NRCAM: variants seen among roughly 807,000 people sequenced by gnomAD.
NRCAM encodes NgCAM-related cell adhesion molecule.
NRCAM carries 83 observed loss-of-function variants against 156.5 expected under a neutral mutation model. That is an observed-to-expected ratio of 0.53 (90% confidence interval 0.44 to 0.64). NRCAM has a LOEUF of 0.64. NRCAM is among the 30% of genes least tolerant of loss of function. The probability of loss-of-function intolerance (pLI) is 0.00; values close to 1 mark genes in which losing one functional copy is unlikely to be tolerated. For synonymous variants in NRCAM, 538 were observed against 563.9 expected, an observed-to-expected ratio of 0.95 and a Z score of 0.65; for missense variants, 1,417 against 1,597.3, an observed-to-expected ratio of 0.89 and a Z score of 1.92.
intron 2 of NRCAM, among the ~76,000 whole-genome samples, chr7:108,359,065 C>CA (rs1219755184): frequency 6.6e-6 from 1 of 152,220 alleles, no homozygotes; most frequent in Non-Finnish European, 1.5e-5. Context: ...CCTAGCCTTA[C>CA]AAGTAGGATG....
chr7:108,423,769 T>C (rs1182711422), intron 1 of NRCAM, among the ~76,000 whole-genome samples: 5 of 152,218 alleles, frequency 3.3e-5, no homozygotes, highest in Non-Finnish European at 1.5e-5. Flanking sequence ...ACCAAGAACC[T>C]GGGTGATAAC....
intron 22 of NRCAM, among the ~76,000 whole-genome samples, chr7:108,183,887 G>A (rs1016318094): frequency 6.6e-6 from 1 of 152,016 alleles, no homozygotes; most frequent in Non-Finnish European, 1.5e-5. Context: ...GTATATGCTA[G>A]GCACTGTTCT....
At position 108,450,054 on chromosome 7, in the gene NRCAM, G is replaced by C. The variant is rs369793928; in HGVS notation, c.-332+6189C>G. The stretch of plus-strand genomic sequence containing the variant: ...TATTTAATGAGAAGAATTTCAAAAG[G>C]ATCATTTTTGCCTGACAGTACCTGT... On this transcript the variant is annotated intron_variant, in intron 1 of 32. Transcript: ENST00000379028. 2.0e-5 allele frequency among the ~76,000 whole-genome samples: 3 copies of C among 151,972 alleles called. No homozygotes were observed. The East Asian group carries it at 5.8e-4, about 29-fold the overall frequency.
At chr7:108,429,731 G>A (rs1234568943) in intron 1 of NRCAM, among the ~76,000 whole-genome samples, 15 of 152,092 alleles carry the variant, frequency 9.9e-5, no homozygotes. Context: ...TTATGTGTTG[G>A]GATGCAAAAT....
chr7:108,227,182 G>T (rs2093612468), intron 8 of NRCAM, among the ~76,000 whole-genome samples: 1 of 152,174 alleles, frequency 6.6e-6, no homozygotes, highest in Admixed American at 6.5e-5. Context: ...CCTTCACGGG[G>T]CTCCTTTAAA....
chr7:108,195,436 C>T (rs1272644623), intron 15 of NRCAM, among the ~76,000 whole-genome samples: 2 of 123,614 alleles, frequency 1.6e-5, no homozygotes, highest in Non-Finnish European at 3.5e-5. Context: ...TTAGCCTGGC[C>T]AACATGGTGA....
Position 108,175,315 on chromosome 7 carries a change from A to AT in NRCAM, c.3187+6dup. ...ATGTATAAAGTCATGCAGATGAATT[A>AT]TTTTACCTTTGCCTGCACCTACATC... On this transcript the variant is annotated splice_region_variant and intron_variant, in intron 28 of 32. Coordinates refer to ENST00000379028, the MANE Select transcript of NRCAM (RefSeq NM_001037132.4). The AT allele has an allele frequency of 6.4e-7, 1 of 1,556,396 alleles. No homozygotes were observed. The highest frequency in any genetic ancestry group is 8.7e-7 in the Non-Finnish European group (1 of 1,149,314).
intron 2 of NRCAM, among the ~76,000 whole-genome samples, chr7:108,327,246 C>G (rs2099079058): frequency 6.6e-6 from 1 of 152,210 alleles, no homozygotes; most frequent in African/African-American, 2.4e-5. Flanking sequence ...TCTAGTCTCT[C>G]TAAATCTCAC....
chr7:108,252,423 A>G (rs1009756811), intron 3 of NRCAM, among the ~76,000 whole-genome samples: 11 of 152,242 alleles, frequency 7.2e-5, no homozygotes, highest in Non-Finnish European at 1.3e-4. Context: ...AGTATAAAAC[A>G]CTAATTGTTG....
At chr7:108,443,827 C>A (rs1841308277) in intron 1 of NRCAM, among the ~76,000 whole-genome samples, 1 of 152,050 alleles carries the variant, frequency 6.6e-6, no homozygotes, top group Non-Finnish European at 1.5e-5. Flanking sequence ...GAATAACTTT[C>A]TAAATAGCCA....
chr7:108,295,951 CAT>C (rs1053705814), intron 3 of NRCAM, among the ~76,000 whole-genome samples: 63 of 152,326 alleles, frequency 4.1e-4, no homozygotes, highest in African/African-American at 1.5e-3. Context: ...GGGTTCTGCA[CAT>C]GACTGCATTT....
At chr7:108,262,472 C>A (rs1234989219) in intron 3 of NRCAM, among the ~76,000 whole-genome samples, 2 of 152,094 alleles carry the variant, frequency 1.3e-5, no homozygotes, top group Admixed American at 1.3e-4. Flanking sequence ...TTAGAGAGGC[C>A]AGATAACTCA....
chr7:108,287,110 A>C (rs929815386), intron 3 of NRCAM, among the ~76,000 whole-genome samples: 1 of 152,186 alleles, frequency 6.6e-6, no homozygotes, highest in African/African-American at 2.4e-5. Context: ...CTCAAGATGG[A>C]TTAAAGACTT....
At chr7:108,222,160 C>T (rs529686921) in intron 11 of NRCAM, among the ~76,000 whole-genome samples, 33 of 152,216 alleles carry the variant, frequency 2.2e-4, no homozygotes, top group African/African-American at 7.9e-4. Context: ...TAATCTGCAT[C>T]TCAGATGATA....
chr7:108,218,750 G>A (rs928602959), intron 11 of NRCAM, among the ~76,000 whole-genome samples: 22 of 152,034 alleles, frequency 1.4e-4, no homozygotes, highest in African/African-American at 2.9e-4. Context: ...CGCCTACATC[G>A]AAAAGACTGA....
intron 3 of NRCAM, among the ~76,000 whole-genome samples, chr7:108,295,980 C>T (rs747308358): frequency 7.9e-5 from 12 of 152,306 alleles, no homozygotes; most frequent in African/African-American, 2.6e-4. Context: ...GGCTTCACTG[C>T]GCTTGCTGAA....
At chr7:108,347,171 G>T (rs1332491774) in intron 2 of NRCAM, among the ~76,000 whole-genome samples, 1 of 150,900 alleles carries the variant, frequency 6.6e-6, no homozygotes, top group Non-Finnish European at 1.5e-5. Flanking sequence ...CCAAGTAGCT[G>T]GGACTACAGG....
chr7:108,275,649 G>A (rs986855261), intron 3 of NRCAM, among the ~76,000 whole-genome samples: 15 of 151,868 alleles, frequency 9.9e-5, no homozygotes, highest in African/African-American at 2.9e-4. Flanking sequence ...TCTTGCAGGC[G>A]GTCTCTCAAT....
At chr7:108,207,174 G>A (rs1181217300) in intron 13 of NRCAM, 1 of 189,396 alleles carries the variant, frequency 5.3e-6, no homozygotes, top group Non-Finnish European at 1.1e-5. Context: ...ATCTCCTCTA[G>A]TGCCTGTGAC....
Sources: allele counts gnomAD v4.1 joint callset (sites outside exome capture counted in the v4.1 genomes callset), GRCh38; gene constraint gnomAD v4.1.1; transcripts MANE v1.5; gene names NCBI Gene and HGNC (gene_info 2026-07-23, HGNC 2026-07-21).